The following FAM50B variants were observed in gnomAD, a reference collection of about 807,000 sequenced individuals.
FAM50B encodes protein FAM50B.
A neutral mutation model predicts 25.4 loss-of-function variants in FAM50B; 9 were observed. The observed-to-expected ratio is 0.35, with a 90% confidence interval of 0.21 to 0.62. The LOEUF is 0.62. Ranked by LOEUF, FAM50B falls within the 20% of genes least tolerant of loss-of-function variation. The pLI is 0.73. For missense variants in FAM50B, 372 were observed against 477.9 expected (o/e 0.78, Z 2.07); for synonymous variants, 212 against 204.3 (o/e 1.04, Z -0.32).
chr6:3,841,965 A>G, the FAM50B span, among the ~76,000 whole-genome samples: 1 of 152,220 alleles, frequency 6.6e-6, no homozygotes, highest in Non-Finnish European at 1.5e-5. Context: ...AGCAGTGTGC[A>G]CTGTGGCCAT....
chr6:3,841,078 C>A, the FAM50B span, among the ~76,000 whole-genome samples: 1 of 152,168 alleles, frequency 6.6e-6, no homozygotes, highest in Non-Finnish European at 1.5e-5. Flanking sequence ...ACAAAAAATA[C>A]AAGTCTGCAG....
At chr6:3,844,746 A>C (rs2127617577), upstream of FAM50B, among the ~76,000 whole-genome samples, 1 of 152,272 alleles carries the variant, frequency 6.6e-6, no homozygotes, top group African/African-American at 2.4e-5. Flanking sequence ...ACTTAAATGG[A>C]AAAAAAGTCA....
chr6:3,834,772 A>G, the FAM50B span, among the ~76,000 whole-genome samples: 1 of 152,212 alleles, frequency 6.6e-6, no homozygotes, highest in Non-Finnish European at 1.5e-5. Flanking sequence ...ATATATCGGA[A>G]CCATTAAAAA....
chr6:3,840,985 T>A, the FAM50B span, among the ~76,000 whole-genome samples: 1 of 152,240 alleles, frequency 6.6e-6, no homozygotes, highest in African/African-American at 2.4e-5. Context: ...TGGCCCCAAA[T>A]TAAAGCAATG....
chr6:3,839,504 C>T, the FAM50B span, among the ~76,000 whole-genome samples: 6 of 151,458 alleles, frequency 4.0e-5, no homozygotes, highest in Admixed American at 6.6e-5. Context: ...AAGAGTGTGA[C>T]TCAAAGGGAT....
chr6:3,833,018 A>C, the FAM50B span, among the ~76,000 whole-genome samples: 1 of 151,668 alleles, frequency 6.6e-6, no homozygotes, highest in Non-Finnish European at 1.5e-5. Flanking sequence ...GTGCCACCAC[A>C]CTCGGCTAAT....
the FAM50B span, among the ~76,000 whole-genome samples, chr6:3,840,777 A>G: frequency 6.6e-6 from 1 of 152,210 alleles, no homozygotes. Context: ...GTGAAAGATG[A>G]GCATGATTTA....
At chr6:3,837,611 A>G in the FAM50B span, among the ~76,000 whole-genome samples, 5 of 151,586 alleles carry the variant, frequency 3.3e-5, no homozygotes, top group East Asian at 9.6e-4. Context: ...TTGCTATAAT[A>G]AAATACCAGA....
chr6:3,838,089 T>G, the FAM50B span, among the ~76,000 whole-genome samples: 1 of 152,194 alleles, frequency 6.6e-6, no homozygotes, highest in Non-Finnish European at 1.5e-5. Context: ...TTTAGTAGAT[T>G]TTATTAAGTT....
At chr6:3,848,704 G>GA (rs1278540960), upstream of FAM50B, among the ~76,000 whole-genome samples, 5 of 152,190 alleles carry the variant, frequency 3.3e-5, no homozygotes, top group Non-Finnish European at 5.9e-5. Flanking sequence ...CTCTTGGAGA[G>GA]TTACAGTGGA....
the FAM50B span, among the ~76,000 whole-genome samples, chr6:3,842,819 C>T: frequency 3.9e-5 from 6 of 152,246 alleles, no homozygotes; most frequent in Admixed American, 1.3e-4. Context: ...ATTTGCTGTA[C>T]GTTTCTAAAA....
chr6:3,834,426 C>A, the FAM50B span, among the ~76,000 whole-genome samples: 1 of 137,000 alleles, frequency 7.3e-6, no homozygotes, highest in Non-Finnish European at 1.6e-5. Context: ...ATGTAAGTAA[C>A]GAACTGAGGG....
At chr6:3,847,778 C>T (rs140027300), upstream of FAM50B, among the ~76,000 whole-genome samples, 1,408 of 152,330 alleles carry the variant, frequency 9.2e-3, 11 homozygotes, top group Non-Finnish European at 0.015. Flanking sequence ...TGAATCATTT[C>T]TAGCCTTTGA....
At chr6:3,839,397 T>C in the FAM50B span, among the ~76,000 whole-genome samples, 1 of 152,212 alleles carries the variant, frequency 6.6e-6, no homozygotes, top group East Asian at 1.9e-4. Context: ...TCCTCCCACA[T>C]TGGGATCCAT....
chr6:3,834,359 C>CAAAAAAAAAAAAAAAAAAAAGA, the FAM50B span, among the ~76,000 whole-genome samples: 1 of 75,046 alleles, frequency 1.3e-5, no homozygotes, highest in Non-Finnish European at 3.0e-5. Flanking sequence ...TGATATATGG[C>CAAAAAAAAAAAAAAAAAAAAGA]AAAAAAAAAA....
At chr6:3,837,766 A>G in the FAM50B span, among the ~76,000 whole-genome samples, 6 of 148,530 alleles carry the variant, frequency 4.0e-5, no homozygotes, top group African/African-American at 1.5e-4. Flanking sequence ...AGAGGGGGCC[A>G]CAAGAGAGAG....
intron 1 of FAM50B, 119 bp from the exon 2 acceptor site, chr6:3,849,670 G>A: frequency 7.1e-7 from 1 of 1,403,498 alleles, no homozygotes; most frequent in Non-Finnish European, 9.3e-7. Context: ...TAGCAGGTCG[G>A]CCCAGCCCCT....
the FAM50B span, among the ~76,000 whole-genome samples, chr6:3,835,826 G>A: frequency 6.6e-5 from 10 of 152,134 alleles, no homozygotes; most frequent in East Asian, 1.9e-4. Flanking sequence ...CAATTCTCCC[G>A]ACACTGTGGA....
At chr6:3,847,326 A>G (rs1027582115), upstream of FAM50B, among the ~76,000 whole-genome samples, 5 of 152,242 alleles carry the variant, frequency 3.3e-5, no homozygotes, top group African/African-American at 4.8e-5. Flanking sequence ...CTCCGTCATC[A>G]GTGCTCTTAG....
Sources: gnomAD v4.1 joint callset for allele counts (sites outside exome capture counted in the v4.1 genomes callset) on GRCh38, gnomAD v4.1.1 for gene constraint, MANE v1.5 for transcripts, NCBI Gene and HGNC (gene_info 2026-07-23, HGNC 2026-07-21) for gene names.